EPM2A: variants seen among roughly 807,000 people sequenced by gnomAD.
EPM2A encodes the protein laforin.
In EPM2A, 21 loss-of-function variants were observed where a neutral mutation model predicts 26.5. That is an observed-to-expected ratio of 0.79 (90% CI 0.56 to 1.14). The LOEUF (loss-of-function observed/expected upper bound fraction) is 1.14, where lower values mean the gene tolerates loss of function less well. EPM2A is among the 50% of genes most tolerant of loss of function. The pLI is 0.00. For synonymous variants in EPM2A, 217 were observed against 177.6 expected, an observed-to-expected ratio of 1.22 and a Z score of -1.76; for missense variants, 458 against 440.8, an observed-to-expected ratio of 1.04 and a Z score of -0.35.
chr6:145,557,085 T>C (rs900615138), intron 2 of EPM2A, among the ~76,000 whole-genome samples: 4 of 152,142 alleles, frequency 2.6e-5, no homozygotes, highest in Admixed American at 2.6e-4. Context: ...TATTTCACTA[T>C]ATACACACAA....
At chr6:145,574,425 C>T (rs192226657) in intron 2 of EPM2A, among the ~76,000 whole-genome samples, 17 of 152,266 alleles carry the variant, frequency 1.1e-4, no homozygotes, top group African/African-American at 3.4e-4. Context: ...TGCCACCTTG[C>T]GATCCAATTA....
chr6:145,612,376 C>T (rs1458504920), intron 2 of EPM2A, among the ~76,000 whole-genome samples: 1 of 152,086 alleles, frequency 6.6e-6, no homozygotes, highest in East Asian at 1.9e-4. Flanking sequence ...AAAACATGCA[C>T]TCATAATCTT....
At chr6:145,404,267 C>T (rs1778536420) in intron 4 of EPM2A, among the ~76,000 whole-genome samples, 1 of 152,056 alleles carries the variant, frequency 6.6e-6, no homozygotes, top group Admixed American at 6.6e-5. Flanking sequence ...TACATTTGAA[C>T]ATATTTTCAT....
intron 1 of EPM2A, among the ~76,000 whole-genome samples, chr6:145,724,753 G>A (rs555508271): frequency 6.6e-6 from 1 of 152,108 alleles, no homozygotes; most frequent in South Asian, 2.1e-4. Flanking sequence ...ATAATGGACA[G>A]TATTTTCAAA....
chr6:145,501,884 C>A (rs907624577), intron 3 of EPM2A: 9 of 470,646 alleles, frequency 1.9e-5, no homozygotes, highest in Non-Finnish European at 3.1e-5. Context: ...GTAGAGGTGA[C>A]AATTGTCATT....
intron 4 of EPM2A, among the ~76,000 whole-genome samples, chr6:145,487,080 G>C (rs922706900): frequency 2.6e-5 from 4 of 152,098 alleles, no homozygotes; most frequent in African/African-American, 9.7e-5. Context: ...ACTCAAAAGT[G>C]AGAACGTTGT....
chr6:145,632,466 G>A (rs1410420217), intron 3 of EPM2A: 4 of 152,190 alleles, frequency 2.6e-5, no homozygotes, highest in African/African-American at 9.7e-5. Context: ...TTTTGTTCAG[G>A]TGAGTGTTAG....
At chr6:145,719,064 C>T (rs1437492485) in intron 1 of EPM2A, among the ~76,000 whole-genome samples, 5 of 152,120 alleles carry the variant, frequency 3.3e-5, no homozygotes, top group African/African-American at 7.2e-5. Context: ...GTCAGTGTGG[C>T]GATTCCTCAC....
At chr6:145,667,461 T>G (rs1404759313) in intron 2 of EPM2A, among the ~76,000 whole-genome samples, 1 of 148,186 alleles carries the variant, frequency 6.7e-6, no homozygotes, top group Admixed American at 6.7e-5. Flanking sequence ...AAAACCACAA[T>G]GAGATATTAT....
At chr6:145,677,416 T>C (rs905912839) in intron 2 of EPM2A, among the ~76,000 whole-genome samples, 1 of 152,154 alleles carries the variant, frequency 6.6e-6, no homozygotes, top group Admixed American at 6.5e-5. Flanking sequence ...CAACATAGTG[T>C]TGGAAGTTCT....
chr6:145,671,163 G>A (rs1779607114), intron 2 of EPM2A: 1 of 1,005,996 alleles, frequency 9.9e-7, no homozygotes, highest in Non-Finnish European at 1.2e-6. Flanking sequence ...AAAGATTCTT[G>A]TCGAAGTTTG....
At chr6:145,439,821 T>C (rs1433262719) in intron 4 of EPM2A, among the ~76,000 whole-genome samples, 2 of 152,206 alleles carry the variant, frequency 1.3e-5, no homozygotes, top group Non-Finnish European at 1.5e-5. Flanking sequence ...CTTTAACTTA[T>C]ATAGGTCCCA....
chr6:145,557,044 A>C (rs2114810081), intron 2 of EPM2A, among the ~76,000 whole-genome samples: 1 of 152,274 alleles, frequency 6.6e-6, no homozygotes, highest in South Asian at 2.1e-4. Context: ...AGAAAATAAA[A>C]GTAGAGCAAT....
At chr6:145,495,696 G>A (rs1779808719) in intron 4 of EPM2A, among the ~76,000 whole-genome samples, 1 of 152,102 alleles carries the variant, frequency 6.6e-6, no homozygotes, top group African/African-American at 2.4e-5. Flanking sequence ...TCATGCCTCA[G>A]CCTCCCAAGT....
chr6:145,603,493 A>C (rs1185192475), intron 2 of EPM2A, among the ~76,000 whole-genome samples: 1 of 152,190 alleles, frequency 6.6e-6, no homozygotes, highest in Non-Finnish European at 1.5e-5. Flanking sequence ...CCAAAACATT[A>C]AGAATCCTGA....
chr6:145,490,318 A>C, intron 4 of EPM2A: 5 of 1,473,168 alleles, frequency 3.4e-6, no homozygotes, highest in Non-Finnish European at 4.6e-6. Flanking sequence ...TGTTAAACAC[A>C]CTGTTGCAGA....
chr6:145,525,246 T>G (rs1467527371), intron 2 of EPM2A, among the ~76,000 whole-genome samples: 1 of 151,216 alleles, frequency 6.6e-6, no homozygotes. Context: ...TTTATTTATT[T>G]ATTTATTTAT....
intron 2 of EPM2A, among the ~76,000 whole-genome samples, chr6:145,538,146 T>C (rs191094994): frequency 1.4e-3 from 217 of 152,312 alleles, no homozygotes; most frequent in Non-Finnish European, 2.0e-3. Flanking sequence ...GGTCAAATGG[T>C]ATTTCTGGTT....
chr6:145,645,748 G>C (rs924656938), intron 2 of EPM2A, among the ~76,000 whole-genome samples: 1 of 151,930 alleles, frequency 6.6e-6, no homozygotes, highest in African/African-American at 2.4e-5. Context: ...CTACAAGCAT[G>C]CACCACCACT....
Sources: gnomAD v4.1 joint callset for allele counts (sites outside exome capture counted in the v4.1 genomes callset) on GRCh38, gnomAD v4.1.1 for gene constraint, MANE v1.5 for transcripts, NCBI Gene and HGNC (gene_info 2026-07-23, HGNC 2026-07-21) for gene names.